The following STAT1 variants were observed in gnomAD, a reference collection of about 807,000 sequenced individuals.
STAT1 encodes the protein signal transducer and activator of transcription 1, also known as signal transducer and activator of transcription 1-alpha/beta.
STAT1 carries 24 observed loss-of-function variants against 111.7 expected under a neutral mutation model. That is an observed-to-expected ratio of 0.21 (90% confidence interval 0.16 to 0.30). STAT1 has a LOEUF of 0.30. Among genes scored for constraint, STAT1 ranks in the 10% least tolerant of loss-of-function variants. The pLI is 1.00. For synonymous variants in STAT1, 332 were observed against 326.5 expected (o/e 1.02, Z -0.18); for missense variants, 351 against 911.9 (o/e 0.38, Z 7.92).
chr2:191,004,018 T>C lies in STAT1; in HGVS notation c.373-2855A>G, dbSNP rs970578809. Among the ~76,000 whole-genome samples the C allele has an allele frequency of 6.6e-6, 1 of 152,196 alleles. No individual in the cohort carries two copies. The highest frequency in any genetic ancestry group is 1.5e-5 in the Non-Finnish European group (1 of 68,032). On this transcript the variant is annotated intron_variant, in intron 5 of 24. Coordinates refer to ENST00000361099, the MANE Select transcript of STAT1 (RefSeq NM_007315.4). The surrounding 1 kb of genome is among the most constrained non-coding windows in gnomAD (Gnocchi z 5.0). Reference sequence around the variant, plus strand: ...TTTCTACTGACTTGCTGGGAGATGCTTGGTGGAAAAACCTGGTGACTGTGG... The same window carrying C: ...TTTCTACTGACTTGCTGGGAGATGCCTGGTGGAAAAACCTGGTGACTGTGG...
In STAT1 at chr2:190,977,103, G is replaced by GTTGATGGAT; in HGVS notation, c.1874-87_1874-79dup. 1 of 1,435,550 alleles carries GTTGATGGAT rather than the reference G, an allele frequency of 7.0e-7. No homozygotes were observed. Among genetic ancestry groups the GTTGATGGAT allele is most frequent in the African/African-American group, 1.4e-5 (1 of 71,210 alleles). The allele number at this position is 1,435,550 out of a possible 1,614,324, so 88.9% of individuals were successfully genotyped here. A position where few individuals can be genotyped will look rare whatever the true frequency, so the allele number is the denominator to read the frequency against. Reference sequence around the variant, plus strand: ...GGACAGAGAAATAAAACACTGCAGAGTTGATGGATTTGAGTGAACCTCATA... The same window carrying GTTGATGGAT: ...GGACAGAGAAATAAAACACTGCAGAGTTGATGGATTTGATGGATTTGAGTGAACCTCATA... On this transcript the variant is annotated intron_variant, in intron 21 of 24. Transcript: ENST00000361099. The surrounding 1 kb of genome is among the most constrained non-coding windows in gnomAD (Gnocchi z 4.7).
At position 190,993,485 on chromosome 2, in the gene STAT1, A is replaced by G. The variant is rs1174382712; in HGVS notation, c.944+1576T>C. The G allele has an allele frequency of 5.6e-6, 6 of 1,066,048 alleles. No individual in the cohort carries two copies. The highest frequency in any genetic ancestry group is 2.5e-5 in the East Asian group (1 of 39,282). The allele number at this position is 1,066,048 out of a possible 1,614,324, so 66.0% of individuals were successfully genotyped here. A position where few individuals can be genotyped will look rare whatever the true frequency, so the allele number is the denominator to read the frequency against. ...ATATGTTATCATCTGCAAACCTAAG[A>G]AGGAGGCAAGACTTTCCAACCCCAG... On this transcript the variant is annotated intron_variant, in intron 10 of 24. Coordinates refer to ENST00000361099, the MANE Select transcript of STAT1 (RefSeq NM_007315.4). The surrounding 1 kb of genome is among the most constrained non-coding windows in gnomAD (Gnocchi z 4.1).
rs1384331948 is a variant in STAT1 at position 190,983,046 on chromosome 2, G to A, written c.1447-528C>T. On this transcript the variant is annotated intron_variant, in intron 17 of 24. Transcript: ENST00000361099. This position sits in a 1 kb window ranked among gnomAD's most constrained non-coding sequence, Gnocchi z 5.7. ...TGTGCCTTATGGAGAAAATACATGT[G>A]TGAGGCAAGCTTCACTCAGGCATGA... Among the ~76,000 whole-genome samples, 2 of 152,210 alleles carry A rather than the reference G, an allele frequency of 1.3e-5. No homozygotes were observed. Among genetic ancestry groups the A allele is most frequent in the Non-Finnish European group, 2.9e-5 (2 of 68,026 alleles).
rs1324916137 is a variant in STAT1 at position 190,993,552 on chromosome 2, G to A, written c.944+1509C>T. 4.6e-6 allele frequency: 3 copies of A among 648,482 alleles called. No individual in the cohort carries two copies. The Admixed American group carries it at 6.4e-5, about 14-fold the overall frequency. The allele number at this position is 648,482 out of a possible 1,614,324, so 40.2% of individuals were successfully genotyped here. ...TAATTTGAATAAATAATCAATTTGG[G>A]ATTCATGCTGGACATGTCACTGTAG... On this transcript the variant is annotated intron_variant, in intron 10 of 24. Transcript: ENST00000361099. This position sits in a 1 kb window ranked among gnomAD's most constrained non-coding sequence, Gnocchi z 4.1.
intron 6 of STAT1, 72 bp downstream of exon 6, chr2:191,001,002 C>G (rs1467409773): frequency 1.6e-6 from 2 of 1,263,744 alleles, no homozygotes; most frequent in East Asian, 2.3e-5. Context: ...AGGTTTACAC[C>G]CCAAGCAATT....
At position 190,993,115 on chromosome 2, in the gene STAT1, C is replaced by T; in HGVS notation, c.945-1795G>A. 1 of 410,184 alleles carries T rather than the reference C, an allele frequency of 2.4e-6. No homozygotes were observed. Among genetic ancestry groups the T allele is most frequent in the Non-Finnish European group, 4.6e-6 (1 of 215,302 alleles). The allele number at this position is 410,184 out of a possible 1,614,324, so 25.4% of individuals were successfully genotyped here. ...TTGTTGCATTCCTAGCACTAGTTTC[C>T]AAAAACAGAATTCCAAGGGAATCAG... is the stretch of plus-strand genomic sequence containing the variant. On this transcript the variant is annotated intron_variant, in intron 10 of 24. Coordinates refer to ENST00000361099, the MANE Select transcript of STAT1 (RefSeq NM_007315.4). The surrounding 1 kb of genome is among the most constrained non-coding windows in gnomAD (Gnocchi z 4.1).
At position 191,005,651 on chromosome 2, in the gene STAT1, G is replaced by A. The variant is rs539354811; in HGVS notation, c.372+1912C>T. 2.8e-4 allele frequency among the ~76,000 whole-genome samples: 42 copies of A among 152,290 alleles called. 1 individual carries two copies. Among genetic ancestry groups the A allele is most frequent in the African/African-American group, 9.9e-4 (41 of 41,556 alleles). ...CACTCTATAATGTTTGCACAAAAAC[G>A]CGATCACCTAGTGGTGCATTTCTCA... On this transcript the variant is annotated intron_variant, in intron 5 of 24. Coordinates refer to ENST00000361099, the MANE Select transcript of STAT1 (RefSeq NM_007315.4).
Position 190,969,631 on chromosome 2 carries a change from A to G in STAT1, c.*1072T>C, listed in dbSNP as rs1691302849. 1.3e-5 allele frequency: 2 copies of G among 152,238 alleles called. No individual in the cohort carries two copies. The highest frequency in any genetic ancestry group is 2.9e-5 in the Non-Finnish European group (2 of 68,018). The allele number at this position is 152,238 out of a possible 1,614,324, so 9.4% of individuals were successfully genotyped here. A position where few individuals can be genotyped will look rare whatever the true frequency, so the allele number is the denominator to read the frequency against. ...ATTCGCAAATGTGAAAAACACATAT[A>G]TCAGCGAAACATATGCAGTTCTCAA... On this transcript the variant is annotated 3_prime_UTR_variant, in exon 25 of 25. Coordinates refer to ENST00000361099, the MANE Select transcript of STAT1 (RefSeq NM_007315.4).
chr2:190,995,257 C>T lies in STAT1; in HGVS notation c.786-38G>A, dbSNP rs761732575. ...AAGACACAGATGTCTCTATGAGAAA[C>T]AGTCCAGAAGCAGCCTGGATTAAAG... On this transcript the variant is annotated intron_variant, in intron 9 of 24. Transcript: ENST00000361099. This position sits in a 1 kb window ranked among gnomAD's most constrained non-coding sequence, Gnocchi z 4.2. 113 of 1,609,088 alleles carry T rather than the reference C, an allele frequency of 7.0e-5. 1 individual carries two copies. Among genetic ancestry groups the T allele is most frequent in the South Asian group, 5.8e-4 (53 of 90,984 alleles).
rs78521042 is a variant in STAT1, at chr2:190,995,719, A to T, written c.786-500T>A. Reference sequence around the variant, plus strand: ...GGATGCCATGCTCTGCCCTCTAGGGAAAAACAAAGGGAACGAGGCTTGTGC... The same window carrying T: ...GGATGCCATGCTCTGCCCTCTAGGGTAAAACAAAGGGAACGAGGCTTGTGC... On this transcript the variant is annotated intron_variant, in intron 9 of 24. Transcript: ENST00000361099. The surrounding 1 kb of genome is among the most constrained non-coding windows in gnomAD (Gnocchi z 4.2). Among the ~76,000 whole-genome samples the T allele has an allele frequency of 9.0e-3, 1,364 of 152,326 alleles. 35 individuals carry two copies. The highest frequency in any genetic ancestry group is 0.082 in the East Asian group (426 of 5,190).
intron 2 of STAT1, 125 bp from the exon 3 acceptor site, chr2:191,010,129 G>T: frequency 8.5e-7 from 1 of 1,182,030 alleles, no homozygotes; most frequent in Non-Finnish European, 1.2e-6. Flanking sequence ...TTTGTCCCAG[G>T]AATATTTTAT....
In STAT1 at chr2:190,984,648, A is replaced by G. The variant is rs1692651621; in HGVS notation, c.1264-255T>C. Reference sequence around the variant, plus strand: ...ATTGTCAATGGGGAAAGAGCAACTAATGGCTTTGTGACCTAAGGCTTCTCG... The same window carrying G: ...ATTGTCAATGGGGAAAGAGCAACTAGTGGCTTTGTGACCTAAGGCTTCTCG... On this transcript the variant is annotated intron_variant, in intron 15 of 24. Transcript: ENST00000361099. This position sits in a 1 kb window ranked among gnomAD's most constrained non-coding sequence, Gnocchi z 5.2. Among the ~76,000 whole-genome samples, 1 of 152,112 alleles carries G rather than the reference A, an allele frequency of 6.6e-6. No homozygotes were observed. Among genetic ancestry groups the G allele is most frequent in the South Asian group, 2.1e-4 (1 of 4,820 alleles).
At position 190,993,691 on chromosome 2, in the gene STAT1, T is replaced by A. The variant is rs1225893655; in HGVS notation, c.944+1370A>T. On this transcript the variant is annotated intron_variant, in intron 10 of 24. Transcript: ENST00000361099. This position sits in a 1 kb window ranked among gnomAD's most constrained non-coding sequence, Gnocchi z 4.1. ...GGCTGTTCTGGGAGAGTAAATGTCT[T>A]CCCCGACTCTGCCCCCTGGAACGCA... 2.4e-6 allele frequency: 1 copy of A among 424,288 alleles called. No individual in the cohort carries two copies. The highest frequency in any genetic ancestry group is 2.0e-5 in the African/African-American group (1 of 49,250). 26.3% of individuals were successfully genotyped at this position (424,288 alleles called of 1,614,324 possible). A position where few individuals can be genotyped will look rare whatever the true frequency, so the allele number is the denominator to read the frequency against.
chr2:191,010,018 G>A lies in STAT1; in HGVS notation c.-1-14C>T. ...CACTGAGACATCCTATAGGGAAAAA[G>A]AATATACATTCTTTCTATGTATATG... On this transcript the variant is annotated splice_polypyrimidine_tract_variant and intron_variant, in intron 2 of 24. Transcript: ENST00000361099. 1.9e-6 allele frequency: 3 copies of A among 1,613,550 alleles called. No individual in the cohort carries two copies. The highest frequency in any genetic ancestry group is 1.1e-5 in the South Asian group (1 of 91,030).
Position 190,986,887 on chromosome 2 carries a change from G to A in STAT1, c.1188C>T (p.Thr396=), listed in dbSNP as rs1692873387. Residue 396 remains threonine, a synonymous_variant, in exon 14 of 25, where the codon ACC becomes ACT. Coordinates refer to ENST00000361099, the MANE Select transcript of STAT1 (RefSeq NM_007315.4). This position sits in a 1 kb window ranked among gnomAD's most constrained non-coding sequence, Gnocchi z 5.0. Reference sequence around the variant, plus strand: ...GAAATTCAGCCGCCAGACTGCCATTGGTGGACTCCTCCATGTTCATCACTT... The same window carrying A: ...GAAATTCAGCCGCCAGACTGCCATTAGTGGACTCCTCCATGTTCATCACTT... The part of the protein sequence containing the change: ...HTKVMNMEES[T]NGSLAAEFRH... The A allele has an allele frequency of 6.2e-7, 1 of 1,614,178 alleles. No individual in the cohort carries two copies. The highest frequency in any genetic ancestry group is 8.5e-7 in the Non-Finnish European group (1 of 1,180,034).
chr2:190,986,090 G>A lies in STAT1; in HGVS notation c.1222-430C>T, dbSNP rs954537028. On this transcript the variant is annotated intron_variant, in intron 14 of 24. Transcript: ENST00000361099. This position sits in a 1 kb window ranked among gnomAD's most constrained non-coding sequence, Gnocchi z 5.0. ...CTGAGCTGTCAATCCCTGAGCTGAC[G>A]AGGGAGCAGGCTGGGGCCCTGAGGG... Among the ~76,000 whole-genome samples the A allele has an allele frequency of 3.0e-4, 46 of 152,186 alleles. No homozygotes were observed. Among genetic ancestry groups the A allele is most frequent in the African/African-American group, 1.1e-3 (45 of 41,460 alleles).
chr2:190,975,176 A>C lies in STAT1; in HGVS notation c.2136-244T>G. On this transcript the variant is annotated intron_variant, in intron 23 of 24. Coordinates refer to ENST00000361099, the MANE Select transcript of STAT1 (RefSeq NM_007315.4). The surrounding 1 kb of genome is among the most constrained non-coding windows in gnomAD (Gnocchi z 5.9). ...ATGTGATAAGCAATAGCCAGACTGG[A>C]ATCTGTGCCGCTTCTGCCTGGGTAA... 1 of 513,488 alleles carries C rather than the reference A, an allele frequency of 1.9e-6. No individual in the cohort carries two copies. Among genetic ancestry groups the C allele is most frequent in the Admixed American group, 2.6e-5 (1 of 38,654 alleles). 31.8% of individuals were successfully genotyped at this position (513,488 alleles called of 1,614,324 possible). A position where few individuals can be genotyped will look rare whatever the true frequency, so the allele number is the denominator to read the frequency against.
intron 3 of STAT1, 52 bp downstream of exon 3, chr2:191,009,824 C>T (rs968528615): frequency 3.1e-6 from 5 of 1,609,578 alleles, no homozygotes; most frequent in Non-Finnish European, 4.2e-6. Flanking sequence ...ACTTAATCAA[C>T]CAGTACTTTT....
chr2:191,008,341 T>A (rs1387746202), intron 4 of STAT1, among the ~76,000 whole-genome samples: 1 of 152,238 alleles, frequency 6.6e-6, no homozygotes, highest in Non-Finnish European at 1.5e-5. Flanking sequence ...AAAAGTTCTG[T>A]TATTACACAA....
Sources: gnomAD v4.1 joint callset for allele counts (sites outside exome capture counted in the v4.1 genomes callset) on GRCh38, gnomAD v4.1.1 for gene constraint, Gnocchi (gnomAD v3.1) non-coding constraint, MANE v1.5 for transcripts, NCBI Gene and HGNC (gene_info 2026-07-23, HGNC 2026-07-21) for gene names.